RGS7BP: variants seen among roughly 807,000 people sequenced by gnomAD.
The protein encoded by RGS7BP is regulator of G protein signaling 7 binding protein.
Under a neutral mutation model 31.3 loss-of-function variants are expected in RGS7BP, and 9 were observed. That is an observed-to-expected ratio of 0.29 (90% CI 0.17 to 0.50). RGS7BP has a LOEUF of 0.50. RGS7BP is among the 20% of genes least tolerant of loss of function. RGS7BP has a pLI of 0.98. For synonymous variants in RGS7BP, 115 were observed against 120.1 expected, an observed-to-expected ratio of 0.96 and a Z score of 0.28; for missense variants, 274 against 322.0, an observed-to-expected ratio of 0.85 and a Z score of 1.14.
At chr5:64,595,368 T>C (rs1244986710) in intron 4 of RGS7BP, among the ~76,000 whole-genome samples, 3 of 152,114 alleles carry the variant, frequency 2.0e-5, no homozygotes, top group Admixed American at 2.0e-4. Flanking sequence ...AAAGGGCTTC[T>C]CCCAGGGCCC....
chr5:64,560,641 T>C (rs1742031967), intron 2 of RGS7BP, among the ~76,000 whole-genome samples: 1 of 151,994 alleles, frequency 6.6e-6, no homozygotes, highest in Non-Finnish European at 1.5e-5. Flanking sequence ...ATATACAAAA[T>C]TTGAAGACCA....
chr5:64,541,821 C>T (rs947546122), intron 2 of RGS7BP, among the ~76,000 whole-genome samples: 1 of 151,912 alleles, frequency 6.6e-6, no homozygotes, highest in Non-Finnish European at 1.5e-5. Context: ...AATACATTCC[C>T]CCAGTTTGTT....
intron 2 of RGS7BP, among the ~76,000 whole-genome samples, chr5:64,566,383 C>G (rs1027179288): frequency 6.6e-6 from 1 of 151,828 alleles, no homozygotes; most frequent in African/African-American, 2.4e-5. Context: ...GACAGTACAC[C>G]CTGAGAGAGA....
intron 5 of RGS7BP, among the ~76,000 whole-genome samples, chr5:64,605,675 TAGTC>T (rs1743333489): frequency 6.6e-6 from 1 of 152,070 alleles, no homozygotes; most frequent in Non-Finnish European, 1.5e-5. Context: ...CCTTAGGTGA[TAGTC>T]AGACAAGCTC....
chr5:64,602,114 C>G (rs74638873), intron 5 of RGS7BP, among the ~76,000 whole-genome samples: 15,344 of 152,150 alleles, frequency 0.1, 843 homozygotes, highest in Middle Eastern at 0.18. Context: ...CTCATAGCAT[C>G]CTCCTCCAAT....
chr5:64,583,140 T>C (rs6879040), intron 3 of RGS7BP, among the ~76,000 whole-genome samples: 72,883 of 151,980 alleles, frequency 0.48, 17,873 homozygotes, highest in South Asian at 0.52. Context: ...GTAATCCCAG[T>C]ACTTTGGGAG....
intron 5 of RGS7BP, among the ~76,000 whole-genome samples, chr5:64,605,223 G>A (rs974085888): frequency 3.3e-5 from 5 of 151,914 alleles, no homozygotes; most frequent in African/African-American, 9.7e-5. Context: ...GAGAAAAGAT[G>A]ATATAAAAGT....
intron 2 of RGS7BP, among the ~76,000 whole-genome samples, chr5:64,510,059 GGTAGGGAGGCT>G (rs1203236469): frequency 6.6e-6 from 1 of 152,162 alleles, no homozygotes; most frequent in African/African-American, 2.4e-5. Context: ...TGTGAAGGCT[GGTAGGGAGGCT>G]GTAGGAGTCA....
At chr5:64,579,328 G>A (rs1375121147) in intron 3 of RGS7BP, among the ~76,000 whole-genome samples, 2 of 151,902 alleles carry the variant, frequency 1.3e-5, no homozygotes, top group Non-Finnish European at 2.9e-5. Flanking sequence ...GGCGGATCAC[G>A]AGGTCAGGAG....
chr5:64,598,300 G>A, intron 4 of RGS7BP, 65 bp from the exon 5 acceptor site: 2 of 922,652 alleles, frequency 2.2e-6, no homozygotes, highest in Non-Finnish European at 3.6e-6. Flanking sequence ...TCATATAACA[G>A]ATTGTTTGAG....
chr5:64,587,288 T>G (rs1029454082), intron 3 of RGS7BP, among the ~76,000 whole-genome samples: 3 of 152,094 alleles, frequency 2.0e-5, no homozygotes, highest in South Asian at 2.1e-4. Context: ...AAGGATGACT[T>G]CAACAAACTA....
Position 64,506,621 on chromosome 5 carries a change from A to G in RGS7BP, c.-4A>G, listed in dbSNP as rs1201014689. The G allele has an allele frequency of 1.9e-6, 3 of 1,594,756 alleles. No individual in the cohort carries two copies. In the South Asian group the frequency reaches 3.3e-5, roughly 18 times the overall value. On this transcript the variant is annotated 5_prime_UTR_variant, in exon 1 of 6. An upstream start codon of the reference 5' UTR is lost. Coordinates refer to ENST00000334025, the MANE Select transcript of RGS7BP (RefSeq NM_001029875.3). The surrounding 1 kb of genome is among the most constrained non-coding windows in gnomAD (Gnocchi z 4.6). ...AGCGGCTTCGGCTTGGTGGATGTGT[A>G]TGCATGAGTTCTGCACCGAATGGGC...
intron 2 of RGS7BP, among the ~76,000 whole-genome samples, chr5:64,568,784 T>G (rs868078122): frequency 1.3e-5 from 2 of 149,638 alleles, no homozygotes; most frequent in Admixed American, 6.6e-5. Flanking sequence ...TGGTTATTGT[T>G]TTTTTTTTTT....
At chr5:64,588,255 G>A (rs760155513) in intron 3 of RGS7BP, among the ~76,000 whole-genome samples, 7 of 152,110 alleles carry the variant, frequency 4.6e-5, no homozygotes, top group Non-Finnish European at 7.4e-5. Flanking sequence ...TCTCACATTC[G>A]GCACATCTTG....
chr5:64,578,063 GCTAT>G (rs1394006408), intron 3 of RGS7BP, among the ~76,000 whole-genome samples: 1 of 152,186 alleles, frequency 6.6e-6, no homozygotes, highest in African/African-American at 2.4e-5. Context: ...TTCTCTGCTA[GCTAT>G]CTGTTTATAA....
chr5:64,601,055 G>A (rs781320472), intron 5 of RGS7BP, among the ~76,000 whole-genome samples: 1 of 152,200 alleles, frequency 6.6e-6, no homozygotes, highest in South Asian at 2.1e-4. Flanking sequence ...GCAGGAAATG[G>A]TACAGGGTAA....
At chr5:64,530,755 G>GT (rs1749350805) in intron 2 of RGS7BP, among the ~76,000 whole-genome samples, 6 of 150,834 alleles carry the variant, frequency 4.0e-5, no homozygotes, top group Non-Finnish European at 7.4e-5. Flanking sequence ...TGTCAGTAGG[G>GT]TTTTTTCTTT....
intron 1 of RGS7BP, among the ~76,000 whole-genome samples, chr5:64,507,037 G>T (rs1340804974): frequency 6.6e-6 from 1 of 152,180 alleles, no homozygotes; most frequent in Non-Finnish European, 1.5e-5. Flanking sequence ...TGTAGGTTGT[G>T]CCTGTACCCC....
At chr5:64,568,847 A>AG in intron 2 of RGS7BP, among the ~76,000 whole-genome samples, 1 of 151,508 alleles carries the variant, frequency 6.6e-6, no homozygotes, top group East Asian at 1.9e-4. Context: ...GAAAAAAAAA[A>AG]GTGAATAAAG....
Sources: allele counts gnomAD v4.1 joint callset (sites outside exome capture counted in the v4.1 genomes callset), GRCh38; gene constraint gnomAD v4.1.1; non-coding constraint Gnocchi (gnomAD v3.1); transcripts MANE v1.5; gene names NCBI Gene and HGNC (gene_info 2026-07-23, HGNC 2026-07-21).